Variants in EPB41L1 observed in about 807,000 individuals in gnomAD.
EPB41L1 encodes band 4.1-like protein 1.
In EPB41L1, 29 loss-of-function variants were observed where a neutral mutation model predicts 97.8. That is an observed-to-expected ratio of 0.30 (90% CI 0.22 to 0.40). The LOEUF (loss-of-function observed/expected upper bound fraction) is 0.40. EPB41L1 is among the 10% of genes least tolerant of loss of function. The pLI, the probability that EPB41L1 is intolerant of heterozygous loss-of-function variation, is 1.00. For missense variants in EPB41L1, 812 were observed against 1,162.3 expected, an observed-to-expected ratio of 0.70 and a Z score of 4.38; for synonymous variants, 383 against 459.2, an observed-to-expected ratio of 0.83 and a Z score of 2.12.
At chr20:36,225,629 A>G (rs1297988779) in intron 21 of EPB41L1, among the ~76,000 whole-genome samples, 1 of 152,144 alleles carries the variant, frequency 6.6e-6, no homozygotes, top group Non-Finnish European at 1.5e-5. Context: ...TCACTTGCAA[A>G]ATGAAGAGGT....
chr20:36,161,145 T>A (rs959771597), intron 1 of EPB41L1, among the ~76,000 whole-genome samples: 2 of 152,172 alleles, frequency 1.3e-5, no homozygotes, highest in African/African-American at 4.8e-5. Flanking sequence ...TCTGTCACCC[T>A]CAAAAGGTGG....
chr20:36,130,404 A>G (rs930726226), intron 2 of EPB41L1, among the ~76,000 whole-genome samples: 1 of 152,040 alleles, frequency 6.6e-6, no homozygotes, highest in Non-Finnish European at 1.5e-5. Context: ...CATAATTTCT[A>G]CCGCATCATC....
intron 1 of EPB41L1, among the ~76,000 whole-genome samples, chr20:36,157,471 G>A (rs980243142): frequency 1.3e-5 from 2 of 152,178 alleles, no homozygotes; most frequent in African/African-American, 2.4e-5. Flanking sequence ...AGTGCGAGGC[G>A]GTCTGAGTCC....
intron 5 of EPB41L1, among the ~76,000 whole-genome samples, chr20:36,181,405 G>T (rs555299263): frequency 2.0e-4 from 30 of 152,300 alleles, no homozygotes; most frequent in African/African-American, 6.5e-4. Context: ...ATTCCCCTGT[G>T]TATCTTCTTA....
At chr20:36,178,985 G>C (rs1052650638) in intron 5 of EPB41L1, among the ~76,000 whole-genome samples, 1 of 151,296 alleles carries the variant, frequency 6.6e-6, no homozygotes, top group Non-Finnish European at 1.5e-5. Flanking sequence ...TGCCTCAAGC[G>C]ATTCTCTTGG....
chr20:36,188,280 G>A (rs908771007), intron 8 of EPB41L1, 67 bp from the exon 9 acceptor site: 6 of 1,607,544 alleles, frequency 3.7e-6, no homozygotes, highest in Non-Finnish European at 5.1e-6. Flanking sequence ...GTGTTTTCGG[G>A]GTGGGTGGTA....
At chr20:36,174,852 A>C (rs2061157245) in intron 2 of EPB41L1, among the ~76,000 whole-genome samples, 4 of 152,210 alleles carry the variant, frequency 2.6e-5, no homozygotes, top group Admixed American at 2.6e-4. Context: ...AAAGTAACAG[A>C]GGTGAAGACA....
At chr20:36,151,121 C>T (rs370264775), upstream of EPB41L1, 2 of 152,368 alleles carry the variant, frequency 1.3e-5, no homozygotes, top group East Asian at 3.8e-4. Flanking sequence ...CCCGCAGTGA[C>T]CTTGGGGGTC....
In EPB41L1 at chr20:36,131,812, G is replaced by A. The variant is rs183190658; in HGVS notation, c.-10+19332G>A. ...CCAGTGCTCTCTTTCCCTGATGCCA[G>A]GCTACTGCTGTGGATGGTGTGGTTT... On this transcript the variant is annotated intron_variant, in intron 2 of 19. Transcript: ENST00000202028. 4.6e-5 allele frequency among the ~76,000 whole-genome samples: 7 copies of A among 152,322 alleles called. No individual in the cohort carries two copies. In the East Asian group the frequency reaches 1.3e-3, roughly 29 times the overall value.
rs1378819639 is a variant in EPB41L1 at position 36,206,167 on chromosome 20, C to A, written c.1669-3321C>A. On this transcript the variant is annotated intron_variant, in intron 14 of 21. Coordinates refer to ENST00000338074, the MANE Select transcript of EPB41L1 (RefSeq NM_012156.2). The surrounding 1 kb of genome is among the most constrained non-coding windows in gnomAD (Gnocchi z 5.5). ...AGGAGGGGCTGCCCTGGCTTCCGGC[C>A]GCACATTGGCAGAAAAGCTCCTCGA... 1.6e-6 allele frequency: 2 copies of A among 1,289,852 alleles called. No homozygotes were observed. The highest frequency in any genetic ancestry group is 2.0e-6 in the Non-Finnish European group (2 of 988,878). The allele number at this position is 1,289,852 out of a possible 1,614,324, so 79.9% of individuals were successfully genotyped here.
intron 1 of EPB41L1, among the ~76,000 whole-genome samples, chr20:36,156,095 G>A (rs144391920): frequency 6.6e-6 from 1 of 152,232 alleles, no homozygotes; most frequent in Admixed American, 6.5e-5. Context: ...GGAGCCTGCG[G>A]CAGAGGCAGC....
In EPB41L1 at chr20:36,198,000, G is replaced by A. The variant is rs769375731; in HGVS notation, c.1627G>A (p.Ala543Thr). Reference sequence around the variant, plus strand: ...GGAGCGCAGGCTGCCCTCCTCCCCCGCCTCCCCCTCCCCCAAGGGCACCCC... The same window carrying A: ...GGAGCGCAGGCTGCCCTCCTCCCCCACCTCCCCCTCCCCCAAGGGCACCCC... ...ERERRLPSSP[A>T]SPSPKGTPEK... is the part of the protein sequence containing the mutation. The change falls in exon 14 of 22, where the codon GCC becomes ACC. Residue 543 changes from alanine to threonine, a missense_variant. Around this residue, in one of 3 missense-constraint regions of EPB41L1, gnomAD observed 498 missense variants for 622.7 expected, o/e 0.80. Coordinates refer to ENST00000338074, the MANE Select transcript of EPB41L1 (RefSeq NM_012156.2). 20 of 1,152,160 alleles carry A rather than the reference G, an allele frequency of 1.7e-5. No homozygotes were observed. The highest frequency in any genetic ancestry group is 5.6e-5 in the Admixed American group (3 of 53,208). The allele number at this position is 1,152,160 out of a possible 1,614,324, so 71.4% of individuals were successfully genotyped here.
At position 36,177,811 on chromosome 20, in the gene EPB41L1, G is replaced by A. The variant is rs1470561257; in HGVS notation, c.343-141G>A. Reference sequence around the variant, plus strand: ...TAGGACTCAGAGGGCAGAGCCAAGTGGGTGGCAGGAGCGCTGCATTCCTGT... The same window carrying A: ...TAGGACTCAGAGGGCAGAGCCAAGTAGGTGGCAGGAGCGCTGCATTCCTGT... On this transcript the variant is annotated intron_variant, in intron 3 of 21. Transcript: ENST00000338074. The A allele has an allele frequency of 7.0e-6, 5 of 714,602 alleles. No individual in the cohort carries two copies. The East Asian group carries it at 1.4e-4, about 19-fold the overall frequency. 44.3% of individuals were successfully genotyped at this position (714,602 alleles called of 1,614,324 possible).
chr20:36,204,011 C>G (rs527725686), intron 14 of EPB41L1, among the ~76,000 whole-genome samples: 2 of 152,314 alleles, frequency 1.3e-5, no homozygotes, highest in East Asian at 3.9e-4. Context: ...CTTCCCCCTC[C>G]TGCTGCCAGG....
intron 21 of EPB41L1, among the ~76,000 whole-genome samples, chr20:36,226,588 G>T (rs2064167337): frequency 6.6e-6 from 1 of 152,086 alleles, no homozygotes; most frequent in Non-Finnish European, 1.5e-5. Context: ...TTTTCATAAC[G>T]TCTGTCTCCT....
rs565868058 is a variant in EPB41L1, at chr20:36,100,517, T to G, written c.-65+8905T>G. Among the ~76,000 whole-genome samples, 3 of 152,232 alleles carry G rather than the reference T, an allele frequency of 2.0e-5. No homozygotes were observed. The South Asian group carries it at 6.2e-4, about 32-fold the overall frequency. On this transcript the variant is annotated intron_variant, in intron 1 of 19. Transcript: ENST00000202028. ...TATTGGCTTACTGTGTGCCAGGCCC[T>G]GTGCTAAGCGCTTTACATGCCTTAT...
At position 36,092,722 on chromosome 20, in the gene EPB41L1, A is replaced by C. The variant is rs982736415; in HGVS notation, c.-65+1110A>C. ...GCGAGAGAGCGGGGCATTTCTGCGC[A>C]GCTCTAGCGCGCCTCGGAGCCCGCC... On this transcript the variant is annotated intron_variant, in intron 1 of 19. Coordinates refer to the EPB41L1 transcript ENST00000202028. This position sits in a 1 kb window ranked among gnomAD's most constrained non-coding sequence, Gnocchi z 7.0. 1 of 151,684 alleles carries C rather than the reference A, an allele frequency of 6.6e-6. No individual in the cohort carries two copies. Among genetic ancestry groups the C allele is most frequent in the Non-Finnish European group, 1.5e-5 (1 of 67,858 alleles). 9.4% of individuals were successfully genotyped at this position (151,684 alleles called of 1,614,324 possible). A position where few individuals can be genotyped will look rare whatever the true frequency, so the allele number is the denominator to read the frequency against.
chr20:36,096,950 T>C (rs549472179), intron 1 of EPB41L1, among the ~76,000 whole-genome samples: 7 of 152,364 alleles, frequency 4.6e-5, no homozygotes, highest in Admixed American at 4.6e-4. Flanking sequence ...TTGATTTACC[T>C]GTCTTTTTCA....
At position 36,129,873 on chromosome 20, in the gene EPB41L1, T is replaced by C. The variant is rs145940546; in HGVS notation, c.-10+17393T>C. Among the ~76,000 whole-genome samples, 1,193 of 151,512 alleles carry C rather than the reference T, an allele frequency of 7.9e-3. 25 individuals carry two copies. Among genetic ancestry groups the C allele is most frequent in the African/African-American group, 0.027 (1,110 of 41,238 alleles). On this transcript the variant is annotated intron_variant, in intron 2 of 19. Transcript: ENST00000202028. Reference sequence around the variant, plus strand: ...TCAAACTCTTTGACTCAAGGGATCCTCCTACTTCAGCCTCCAGAGTAGCCG... The same window carrying C: ...TCAAACTCTTTGACTCAAGGGATCCCCCTACTTCAGCCTCCAGAGTAGCCG...
Sources: gnomAD v4.1 joint callset for allele counts (sites outside exome capture counted in the v4.1 genomes callset) on GRCh38, gnomAD v4.1.1 for gene constraint, gnomAD v4.1.1 regional missense constraint, Gnocchi (gnomAD v3.1) non-coding constraint, MANE v1.5 for transcripts, NCBI Gene and HGNC (gene_info 2026-07-23, HGNC 2026-07-21) for gene names.